The following DRAM1 variants were observed in gnomAD, a reference collection of about 807,000 sequenced individuals.
DRAM1 encodes the protein DNA damage-regulated autophagy modulator protein 1.
DRAM1 carries 25 observed loss-of-function variants against 28.5 expected under a neutral mutation model. The ratio of observed to expected loss-of-function variants is 0.88; its 90% CI spans 0.64 to 1.23. DRAM1 has a LOEUF of 1.23. DRAM1 is among the 50% of genes most tolerant of loss of function. The probability of loss-of-function intolerance (pLI) is 0.00; values close to 1 mark genes in which losing one functional copy is unlikely to be tolerated. For synonymous variants in DRAM1, 113 were observed against 114.2 expected, an observed-to-expected ratio of 0.99 and a Z score of 0.07; for missense variants, 249 against 299.2, an observed-to-expected ratio of 0.83 and a Z score of 1.24.
chr12:101,912,362 C>T (rs1304854569), intron 4 of DRAM1, among the ~76,000 whole-genome samples: 1 of 152,078 alleles, frequency 6.6e-6, no homozygotes, highest in Non-Finnish European at 1.5e-5. Context: ...ATAATTTTCC[C>T]TTACAGTCAT....
In DRAM1 at chr12:101,921,315, C is replaced by A; in HGVS notation, c.*55C>A. The A allele has an allele frequency of 1.4e-6, 2 of 1,457,800 alleles. No homozygotes were observed. Among genetic ancestry groups the A allele is most frequent in the Non-Finnish European group, 1.9e-6 (2 of 1,037,756 alleles). 90.3% of individuals were successfully genotyped at this position (1,457,800 alleles called of 1,614,324 possible). ...ATGTCGCAGGCCATTTCTAAAAGTG[C>A]TACAGAGGACAGACAGGGTTTTGAG... On this transcript the variant is annotated 3_prime_UTR_variant, in exon 7 of 7. Coordinates refer to ENST00000258534, the MANE Select transcript of DRAM1 (RefSeq NM_018370.3).
rs574722379 is a variant in DRAM1, at chr12:101,895,186, GTTTTTTTTTT to G, written c.132-2656_132-2647del. 1.5e-4 allele frequency among the ~76,000 whole-genome samples: 11 copies of G among 75,720 alleles called. 1 individual carries two copies. The highest frequency in any genetic ancestry group is 5.5e-4 in the Admixed American group (3 of 5,434). The allele number at this position is 75,720 out of a possible 152,430, so 49.7% of individuals were successfully genotyped here. ...TAATGCTAAATTCGAAACCCTTCAG[GTTTTTTTTTT>G]TTTTTTTTTTTTTTTTTTTTACCCA... is the stretch of plus-strand genomic sequence containing the variant. On this transcript the variant is annotated intron_variant, in intron 1 of 6. Transcript: ENST00000258534.
intron 3 of DRAM1, among the ~76,000 whole-genome samples, chr12:101,903,139 G>A (rs528371676): frequency 7.9e-5 from 12 of 152,276 alleles, no homozygotes; most frequent in Non-Finnish European, 1.5e-4. Flanking sequence ...GGCTGGTCTT[G>A]AACTCAAGTG....
In DRAM1 at chr12:101,920,193, G is replaced by A. The variant is rs773689363; in HGVS notation, c.664G>A (p.Asp222Asn). The A allele has an allele frequency of 6.2e-7, 1 of 1,607,934 alleles. No individual in the cohort carries two copies. The highest frequency in any genetic ancestry group is 1.3e-5 in the African/African-American group (1 of 74,772). The change falls in exon 6 of 7, where the codon GAT becomes AAT. Residue 222 changes from aspartate to asparagine, a missense_variant. Asp to Asn is a conservative substitution (Grantham distance 23). Transcript: ENST00000258534. ...FIFYFLTFIQ[D>N]FQSVTLRIST... ...TTTCTACTTCCTAACTTTCATCCAA[G>A]ATTTCCAGGTAGGTGTTTATCAATT...
intron 5 of DRAM1, among the ~76,000 whole-genome samples, chr12:101,919,692 T>G (rs945569740): frequency 1.3e-5 from 2 of 152,224 alleles, no homozygotes; most frequent in African/African-American, 4.8e-5. Context: ...TGTACACACT[T>G]TCTTTGGAAC....
chr12:101,893,844 A>G (rs959344296), intron 1 of DRAM1, among the ~76,000 whole-genome samples: 1 of 147,550 alleles, frequency 6.8e-6, no homozygotes, highest in South Asian at 2.1e-4. Context: ...TTCCACCTGT[A>G]TAGTTTTATT....
At chr12:101,905,760 T>TATTTATTTA (rs1203846055) in intron 3 of DRAM1, among the ~76,000 whole-genome samples, 3 of 148,982 alleles carry the variant, frequency 2.0e-5, no homozygotes, top group Non-Finnish European at 4.4e-5. Context: ...CATCTGATTT[T>TATTTATTTA]ATTTATTTAT....
rs78876213 is a variant in DRAM1, at chr12:101,891,787, A to C, written c.132-6076A>C. Reference sequence around the variant, plus strand: ...AATCAGGTGGTGGGTGGAGCTGGGCAGGGCCCACTGCACTGCAGAAACTGT... The same window carrying C: ...AATCAGGTGGTGGGTGGAGCTGGGCCGGGCCCACTGCACTGCAGAAACTGT... On this transcript the variant is annotated intron_variant, in intron 1 of 6. Coordinates refer to ENST00000258534, the MANE Select transcript of DRAM1 (RefSeq NM_018370.3). 3.6e-3 allele frequency among the ~76,000 whole-genome samples: 554 copies of C among 152,340 alleles called. 8 individuals are homozygous for C. In the East Asian group the frequency reaches 0.042, roughly 12 times the overall value.
intron 1 of DRAM1, among the ~76,000 whole-genome samples, chr12:101,883,406 C>T (rs1872760132): frequency 6.6e-6 from 1 of 150,866 alleles, no homozygotes; most frequent in Non-Finnish European, 1.5e-5. Flanking sequence ...CCTCCGCCTC[C>T]CGGGTTCAAG....
Position 101,921,835 on chromosome 12 carries a change from C to T in DRAM1, c.*575C>T, listed in dbSNP as rs1418117393. The T allele has an allele frequency of 1.3e-5, 2 of 152,690 alleles. No homozygotes were observed. The highest frequency in any genetic ancestry group is 3.8e-4 in the East Asian group (2 of 5,228). The allele number at this position is 152,690 out of a possible 1,614,324, so 9.5% of individuals were successfully genotyped here. ...AGCCGAACTAAACAAAGTGCTTCTACTGAGAGGCCTTTATACCACCATGTA... is the reference window on the plus strand; with the variant it reads ...AGCCGAACTAAACAAAGTGCTTCTATTGAGAGGCCTTTATACCACCATGTA... On this transcript the variant is annotated 3_prime_UTR_variant, in exon 7 of 7. Coordinates refer to ENST00000258534, the MANE Select transcript of DRAM1 (RefSeq NM_018370.3).
rs1874496405 is a variant in DRAM1, at chr12:101,921,832, C to G, written c.*572C>G. 6.6e-6 allele frequency: 1 copy of G among 152,656 alleles called. No individual in the cohort carries two copies. The highest frequency in any genetic ancestry group is 1.5e-5 in the Non-Finnish European group (1 of 68,454). The allele number at this position is 152,656 out of a possible 1,614,324, so 9.5% of individuals were successfully genotyped here. On this transcript the variant is annotated 3_prime_UTR_variant, in exon 7 of 7. Transcript: ENST00000258534. ...TTTAGCCGAACTAAACAAAGTGCTT[C>G]TACTGAGAGGCCTTTATACCACCAT...
intron 4 of DRAM1, among the ~76,000 whole-genome samples, chr12:101,909,383 GTTTAC>G (rs1184842812): frequency 2.0e-5 from 3 of 152,136 alleles, no homozygotes; most frequent in Non-Finnish European, 4.4e-5. Flanking sequence ...TTTAGTCTCT[GTTTAC>G]TTTCCTTCTC....
intron 3 of DRAM1, among the ~76,000 whole-genome samples, chr12:101,903,291 A>G (rs567083858): frequency 6.6e-6 from 1 of 152,288 alleles, no homozygotes; most frequent in South Asian, 2.1e-4. Flanking sequence ...GGTGGGTGAG[A>G]TGGCTACTTT....
intron 1 of DRAM1, among the ~76,000 whole-genome samples, chr12:101,880,702 T>A (rs1872660640): frequency 6.6e-6 from 1 of 152,212 alleles, no homozygotes; most frequent in African/African-American, 2.4e-5. Context: ...TTTTGAATGT[T>A]CATAGAGGTG....
At chr12:101,915,202 A>T (rs1467860075) in intron 5 of DRAM1, among the ~76,000 whole-genome samples, 1 of 149,132 alleles carries the variant, frequency 6.7e-6, no homozygotes, top group African/African-American at 2.5e-5. Context: ...GATGGTCTCG[A>T]TCTCCTGACC....
At chr12:101,892,972 A>G (rs1315069328) in intron 1 of DRAM1, among the ~76,000 whole-genome samples, 1 of 152,086 alleles carries the variant, frequency 6.6e-6, no homozygotes, top group African/African-American at 2.4e-5. Context: ...ACACTGTTGT[A>G]TTGTACTGTT....
At chr12:101,906,928 A>G (rs4764842) in intron 3 of DRAM1, among the ~76,000 whole-genome samples, 16,790 of 150,896 alleles carry the variant, frequency 0.11, 1,005 homozygotes, top group Middle Eastern at 0.19. Flanking sequence ...AGTGTGTAGT[A>G]TGTACAGGGT....
chr12:101,919,500 C>T (rs1594315097), intron 5 of DRAM1, among the ~76,000 whole-genome samples: 1 of 152,312 alleles, frequency 6.6e-6, no homozygotes, highest in Non-Finnish European at 1.5e-5. Flanking sequence ...CCTTGGCTTC[C>T]ATTCTCCCAT....
Position 101,897,934 on chromosome 12 carries a change from A to G in DRAM1, c.199+4A>G. On this transcript the variant is annotated splice_donor_region_variant and intron_variant, in intron 2 of 6. Transcript: ENST00000258534. ...ATAAACTTCTCTGCATTTCTTGGTA[A>G]GTACACAATAATTATTATAAATAAT... 1 of 1,531,396 alleles carries G rather than the reference A, an allele frequency of 6.5e-7. No homozygotes were observed. Among genetic ancestry groups the G allele is most frequent in the Non-Finnish European group, 9.0e-7 (1 of 1,108,372 alleles). 94.9% of individuals were successfully genotyped at this position (1,531,396 alleles called of 1,614,324 possible).
Sources: gnomAD v4.1 joint callset for allele counts (sites outside exome capture counted in the v4.1 genomes callset) on GRCh38, gnomAD v4.1.1 for gene constraint, MANE v1.5 for transcripts, NCBI Gene and HGNC (gene_info 2026-07-23, HGNC 2026-07-21) for gene names.